The following CCDC136 variants were observed in gnomAD, a reference collection of about 807,000 sequenced individuals.
CCDC136 encodes coiled-coil domain containing 136.
Under a neutral mutation model 141.2 loss-of-function variants are expected in CCDC136, and 100 were observed. That is an observed-to-expected ratio of 0.71 (90% CI 0.60 to 0.84). The LOEUF is 0.84. Ranked by LOEUF, CCDC136 falls within the 40% of genes least tolerant of loss-of-function variation. The pLI is 0.00. For synonymous variants in CCDC136, 474 were observed against 531.9 expected (o/e 0.89, Z 1.50); for missense variants, 1,206 against 1,379.4 (o/e 0.87, Z 1.99).
Position 128,805,914 on chromosome 7 carries a change from C to G in CCDC136, c.1089+13C>G. 1 of 1,613,446 alleles carries G rather than the reference C, an allele frequency of 6.2e-7. No individual in the cohort carries two copies. The highest frequency in any genetic ancestry group is 8.5e-7 in the Non-Finnish European group (1 of 1,179,776). On this transcript the variant is annotated intron_variant, in intron 7 of 17. Coordinates refer to ENST00000297788, the MANE Select transcript of CCDC136 (RefSeq NM_022742.5). The surrounding 1 kb of genome is among the most constrained non-coding windows in gnomAD (Gnocchi z 4.6). ...CAGTGTCACCCAGGTAAACACTGCC[C>G]GGGGAGGCATCTGGGGTGGGGGCAG... is the stretch of plus-strand genomic sequence containing the variant.
intron 7 of CCDC136, 115 bp downstream of exon 7, chr7:128,806,016 C>A: frequency 8.0e-7 from 1 of 1,250,482 alleles, no homozygotes; most frequent in Non-Finnish European, 1.1e-6. Flanking sequence ...TCTTGCCCTG[C>A]AACTGGGCAC....
rs1445574431 is a variant in CCDC136 at position 128,810,466 on chromosome 7, G to A, written c.2028+100G>A. 14 of 824,872 alleles carry A rather than the reference G, an allele frequency of 1.7e-5. No individual in the cohort carries two copies. The East Asian group carries it at 3.7e-4, about 22-fold the overall frequency. The allele number at this position is 824,872 out of a possible 1,614,324, so 51.1% of individuals were successfully genotyped here. Reference sequence around the variant, plus strand: ...GGGTCAGAGTTGGGAAGGCGTGTTTGGCCAGGGGTAAGGATAAGGCAAAAG... The same window carrying A: ...GGGTCAGAGTTGGGAAGGCGTGTTTAGCCAGGGGTAAGGATAAGGCAAAAG... On this transcript the variant is annotated intron_variant, in intron 12 of 17. Coordinates refer to ENST00000297788, the MANE Select transcript of CCDC136 (RefSeq NM_022742.5).
At chr7:128,816,042 C>G (rs946623058) in intron 16 of CCDC136, 111 bp downstream of exon 16, 1 of 1,080,182 alleles carries the variant, frequency 9.3e-7, no homozygotes, top group Admixed American at 2.8e-5. Flanking sequence ...GTGGAGGCCT[C>G]GCGCTCTAAG....
rs1802631415 is a variant in CCDC136 at position 128,794,344 on chromosome 7, C to T, written c.17-4C>T. ...CTCCTTGGTGGGATGGCTGTGTCTC[C>T]TAGGGGAGGTGTTACTCCCAGCTCT... On this transcript the variant is annotated splice_region_variant and splice_polypyrimidine_tract_variant and intron_variant, in intron 1 of 17. Transcript: ENST00000297788. The surrounding 1 kb of genome is among the most constrained non-coding windows in gnomAD (Gnocchi z 4.3). 6.4e-7 allele frequency: 1 copy of T among 1,552,182 alleles called. No individual in the cohort carries two copies.
intron 4 of CCDC136, among the ~76,000 whole-genome samples, chr7:128,802,940 G>A (rs1232379905): frequency 6.6e-6 from 1 of 152,232 alleles, no homozygotes; most frequent in Non-Finnish European, 1.5e-5. Context: ...AAACTATCAA[G>A]TCTAATGCTT....
At position 128,814,902 on chromosome 7, in the gene CCDC136, G is replaced by A. The variant is rs747494011; in HGVS notation, c.3028G>A (p.Asp1010Asn). 1.9e-6 allele frequency: 3 copies of A among 1,593,840 alleles called. No individual in the cohort carries two copies. Among genetic ancestry groups the A allele is most frequent in the African/African-American group, 1.3e-5 (1 of 74,474 alleles). Residue 1010 changes from aspartate (D) to asparagine (N), a missense_variant, in exon 15 of 18, where the codon GAC becomes AAC. Transcript: ENST00000297788. ...TKPCSDTSES[D>N]LETRKSLEVV... Reference sequence around the variant, plus strand: ...GCCATGCTCGGATACTTCTGAGAGCGACCTTGAGACCAGAAAGGTGAGTAG... The same window carrying A: ...GCCATGCTCGGATACTTCTGAGAGCAACCTTGAGACCAGAAAGGTGAGTAG...
At position 128,792,047 on chromosome 7, in the gene CCDC136, C is replaced by T; in HGVS notation, c.-365C>T. The T allele has an allele frequency of 1.6e-6, 2 of 1,281,174 alleles. No individual in the cohort carries two copies. Among genetic ancestry groups the T allele is most frequent in the African/African-American group, 3.1e-5 (2 of 64,354 alleles). 79.4% of individuals were successfully genotyped at this position (1,281,174 alleles called of 1,614,324 possible). Reference sequence around the variant, plus strand: ...TCTTTCAGTCTTGGCCCTCTCCTCCCTGTCCCCCCGGACTAAATACGCACA... The same window carrying T: ...TCTTTCAGTCTTGGCCCTCTCCTCCTTGTCCCCCCGGACTAAATACGCACA... On this transcript the variant is annotated 5_prime_UTR_variant, in exon 1 of 18. Coordinates refer to ENST00000297788, the MANE Select transcript of CCDC136 (RefSeq NM_022742.5).
intron 3 of CCDC136, among the ~76,000 whole-genome samples, chr7:128,799,135 C>G (rs1317708978): frequency 2.1e-5 from 3 of 142,878 alleles, no homozygotes; most frequent in Non-Finnish European, 4.5e-5. Context: ...AGTTTGAGAC[C>G]AGCCTGGGCA....
rs751404313 is a variant in CCDC136 at position 128,812,221 on chromosome 7, G to C, written c.2450G>C (p.Ser817Thr). 6.2e-7 allele frequency: 1 copy of C among 1,613,986 alleles called. No homozygotes were observed. Among genetic ancestry groups the C allele is most frequent in the Non-Finnish European group, 8.5e-7 (1 of 1,179,880 alleles). Residue 817 changes from serine (S) to threonine (T), a missense_variant, in exon 13 of 18, where the codon AGT becomes ACT. Ser to Thr is a moderately conservative substitution (Grantham distance 58, BLOSUM62 1). Coordinates refer to ENST00000297788, the MANE Select transcript of CCDC136 (RefSeq NM_022742.5). Reference sequence around the variant, plus strand: ...AACAGCAGCATTACCTATAAGAAGAGTTACGGCAGCACCAGTAGCTCTGAC... The same window carrying C: ...AACAGCAGCATTACCTATAAGAAGACTTACGGCAGCACCAGTAGCTCTGAC... ...TSNSSITYKK[S>T]YGSTSSSDTC... is the part of the protein sequence containing the mutation.
At chr7:128,796,842 C>G (rs1447036440) in intron 3 of CCDC136, among the ~76,000 whole-genome samples, 10 of 145,612 alleles carry the variant, frequency 6.9e-5, no homozygotes, top group South Asian at 2.2e-4. Context: ...CCCGGGTTCA[C>G]GCCATTCTCC....
At chr7:128,813,762 C>T (rs1806135252) in intron 14 of CCDC136, among the ~76,000 whole-genome samples, 1 of 152,118 alleles carries the variant, frequency 6.6e-6, no homozygotes, top group African/African-American at 2.4e-5. Flanking sequence ...GGGTGGATCA[C>T]TTGAGGTCAG....
At position 128,817,772 on chromosome 7, in the gene CCDC136, C is replaced by G. The variant is rs1353065986; in HGVS notation, c.3378C>G (p.Pro1126=). 2 of 1,613,746 alleles carry G rather than the reference C, an allele frequency of 1.2e-6. No homozygotes were observed. Among genetic ancestry groups the G allele is most frequent in the Admixed American group, 3.3e-5 (2 of 60,022 alleles). ...LSESKKSSPT[P]NPPIFSLPLV... ...GTGTGTTGCAGTCATCCCCTACCCC[C>G]AATCCCCCCATCTTCTCCTTGCCTC... is the stretch of plus-strand genomic sequence containing the variant. The change falls in exon 17 of 18, where the codon CCC becomes CCG. Residue 1126 remains proline (P), a synonymous_variant. Transcript: ENST00000297788. This position sits in a 1 kb window ranked among gnomAD's most constrained non-coding sequence, Gnocchi z 4.6.
At chr7:128,808,408 C>T (rs1805196606) in intron 10 of CCDC136, 1 of 863,080 alleles carries the variant, frequency 1.2e-6, no homozygotes, top group African/African-American at 1.8e-5. Context: ...AACTCACTTC[C>T]TTTTAGCAGT....
intron 14 of CCDC136, 28 bp downstream of exon 14, chr7:128,812,957 C>A: frequency 6.7e-7 from 1 of 1,496,870 alleles, no homozygotes; most frequent in Non-Finnish European, 9.2e-7. Flanking sequence ...GGCAGGGTTT[C>A]CTCTGGCAGC....
intron 17 of CCDC136, among the ~76,000 whole-genome samples, chr7:128,819,376 C>A (rs943691145): frequency 6.6e-6 from 1 of 152,234 alleles, no homozygotes; most frequent in Non-Finnish European, 1.5e-5. Context: ...GAGTCTGTCT[C>A]TACTGACAGG....
chr7:128,805,948 C>G lies in CCDC136; in HGVS notation c.1089+47C>G. The G allele has an allele frequency of 6.2e-7, 1 of 1,606,754 alleles. No homozygotes were observed. Among genetic ancestry groups the G allele is most frequent in the Non-Finnish European group, 8.5e-7 (1 of 1,175,282 alleles). ...ATCTGGGGTGGGGGCAGAAGGGCCTCATGGAGGGGCTGCTTCAACCGGGGT... is the reference window on the plus strand; with the variant it reads ...ATCTGGGGTGGGGGCAGAAGGGCCTGATGGAGGGGCTGCTTCAACCGGGGT... On this transcript the variant is annotated intron_variant, in intron 7 of 17. Coordinates refer to ENST00000297788, the MANE Select transcript of CCDC136 (RefSeq NM_022742.5). The surrounding 1 kb of genome is among the most constrained non-coding windows in gnomAD (Gnocchi z 4.6).
intron 12 of CCDC136, among the ~76,000 whole-genome samples, chr7:128,811,575 C>T (rs1805717488): frequency 1.3e-5 from 2 of 152,070 alleles, no homozygotes; most frequent in Non-Finnish European, 2.9e-5. Flanking sequence ...AATGGGAGCC[C>T]GGAAATCATG....
At chr7:128,801,020 T>C (rs936619044) in intron 3 of CCDC136, among the ~76,000 whole-genome samples, 166 bp from the exon 4 acceptor site, 1 of 152,208 alleles carries the variant, frequency 6.6e-6, no homozygotes, top group African/African-American at 2.4e-5. Context: ...TCTTAGGTAC[T>C]CCTTTTATTC....
Position 128,812,862 on chromosome 7 carries a change from A to C in CCDC136, c.2696A>C (p.Glu899Ala). The part of the protein sequence containing the change: ...KDLKEELDAC[E>A]REFKECMECL... ...CTGAAGGAAGAGCTGGATGCCTGTG[A>C]AAGGGAGTTCAAGGAGTGCATGGAA... is the stretch of plus-strand genomic sequence containing the variant. Residue 899 changes from glutamate (E) to alanine (A), a missense_variant, in exon 14 of 18, where the codon GAA becomes GCA. Glu to Ala is a moderately radical substitution (Grantham distance 107). Coordinates refer to ENST00000297788, the MANE Select transcript of CCDC136 (RefSeq NM_022742.5). 1 of 1,613,238 alleles carries C rather than the reference A, an allele frequency of 6.2e-7. No homozygotes were observed.
Sources: allele counts gnomAD v4.1 joint callset (sites outside exome capture counted in the v4.1 genomes callset), GRCh38; gene constraint gnomAD v4.1.1; non-coding constraint Gnocchi (gnomAD v3.1); transcripts MANE v1.5; gene names NCBI Gene and HGNC (gene_info 2026-07-23, HGNC 2026-07-21).